The following TBCK variants were observed in gnomAD, a reference collection of about 807,000 sequenced individuals.
TBCK encodes TBC1 domain containing kinase.
Under a neutral mutation model 113.4 loss-of-function variants are expected in TBCK, and 99 were observed. The ratio of observed to expected loss-of-function variants is 0.87; its 90% confidence interval spans 0.74 to 1.03. The LOEUF (loss-of-function observed/expected upper bound fraction) is 1.03. TBCK is among the 50% of genes least tolerant of loss of function. TBCK has a pLI of 0.00. For missense variants in TBCK, 1,045 were observed against 1,061.3 expected (o/e 0.98, Z 0.21); for synonymous variants, 369 against 370.8 (o/e 1.00, Z 0.05).
At chr4:106,107,374 C>T (rs1418950495) in intron 24 of TBCK, among the ~76,000 whole-genome samples, 1 of 152,160 alleles carries the variant, frequency 6.6e-6, no homozygotes, top group East Asian at 1.9e-4. Flanking sequence ...TAAAATCGAC[C>T]ACATAACTGG....
intron 19 of TBCK, among the ~76,000 whole-genome samples, chr4:106,214,128 G>T (rs929041495): frequency 4.6e-5 from 7 of 151,954 alleles, no homozygotes; most frequent in African/African-American, 1.7e-4. Context: ...CACACGGCAG[G>T]GTACTCCAAC....
chr4:106,044,821 A>G lies in TBCK; in HGVS notation c.*1749T>C, dbSNP rs911043310. ...CAATTTAAAAAGTAGATGCAAAGAA[A>G]AAATAAAATAAAGTAAACAATAGCA... On this transcript the variant is annotated 3_prime_UTR_variant, in exon 26 of 26. Coordinates refer to ENST00000394708, the MANE Select transcript of TBCK (RefSeq NM_001163435.3). 2 of 152,242 alleles carry G rather than the reference A, an allele frequency of 1.3e-5. No individual in the cohort carries two copies. Among genetic ancestry groups the G allele is most frequent in the African/African-American group, 2.4e-5 (1 of 41,466 alleles). The allele number at this position is 152,242 out of a possible 1,614,324, so 9.4% of individuals were successfully genotyped here.
chr4:106,226,325 C>CTAGAAA (rs1490139637), intron 19 of TBCK, among the ~76,000 whole-genome samples: 6 of 152,202 alleles, frequency 3.9e-5, no homozygotes, highest in African/African-American at 1.4e-4. Context: ...TAACAGGCAT[C>CTAGAAA]TAGAAATAGA....
chr4:106,067,127 A>T (rs999787554), intron 25 of TBCK, among the ~76,000 whole-genome samples: 1 of 152,120 alleles, frequency 6.6e-6, no homozygotes, highest in Non-Finnish European at 1.5e-5. Flanking sequence ...TTACAATCCC[A>T]CTATTAATGC....
intron 25 of TBCK, among the ~76,000 whole-genome samples, chr4:106,082,498 T>A (rs1349949445): frequency 1.3e-5 from 2 of 151,894 alleles, no homozygotes; most frequent in African/African-American, 4.8e-5. Context: ...CTATGCTCAC[T>A]ACACAGGATG....
intron 23 of TBCK, among the ~76,000 whole-genome samples, chr4:106,163,847 C>T (rs1396038351): frequency 6.6e-6 from 1 of 152,008 alleles, no homozygotes; most frequent in Admixed American, 6.6e-5. Context: ...CAATCTCTGT[C>T]TGGGAATTTG....
intron 23 of TBCK, among the ~76,000 whole-genome samples, chr4:106,131,269 T>C (rs1745885932): frequency 6.6e-6 from 1 of 152,206 alleles, no homozygotes; most frequent in African/African-American, 2.4e-5. Context: ...CATGTTTCCT[T>C]TATAAATTAC....
At chr4:106,209,636 T>A (rs528510317) in intron 20 of TBCK, among the ~76,000 whole-genome samples, 1 of 152,272 alleles carries the variant, frequency 6.6e-6, no homozygotes, top group South Asian at 2.1e-4. Flanking sequence ...CCATCAACAA[T>A]GCTTTCTTTT....
At chr4:106,303,831 G>A (rs947398430) in intron 2 of TBCK, among the ~76,000 whole-genome samples, 24 of 152,124 alleles carry the variant, frequency 1.6e-4, no homozygotes, top group African/African-American at 4.3e-4. Context: ...AAGTGGTTCT[G>A]GCCAGTCTAC....
chr4:106,124,297 T>A (rs925612644), intron 23 of TBCK, among the ~76,000 whole-genome samples: 2 of 152,044 alleles, frequency 1.3e-5, no homozygotes, highest in Non-Finnish European at 2.9e-5. Context: ...AAAACCACAA[T>A]GAGATACCAT....
chr4:106,234,485 C>G (rs1186279280), intron 15 of TBCK, among the ~76,000 whole-genome samples: 1 of 151,956 alleles, frequency 6.6e-6, no homozygotes, highest in South Asian at 2.1e-4. Flanking sequence ...GTTCTATCAC[C>G]CAGGCTAGAG....
chr4:106,260,310 T>G (rs1027679668), intron 5 of TBCK, 127 bp downstream of exon 5: 1 of 397,562 alleles, frequency 2.5e-6, no homozygotes. Context: ...AAAATTGAGA[T>G]GCATTAATTT....
chr4:106,107,280 A>G (rs1742281424), intron 24 of TBCK, among the ~76,000 whole-genome samples: 1 of 152,160 alleles, frequency 6.6e-6, no homozygotes, highest in South Asian at 2.1e-4. Context: ...CATTGGACCA[A>G]ATGAATCTGA....
chr4:106,064,892 C>G (rs1736450846), intron 25 of TBCK, among the ~76,000 whole-genome samples: 1 of 151,836 alleles, frequency 6.6e-6, no homozygotes, highest in Non-Finnish European at 1.5e-5. Flanking sequence ...GAAAACAGCA[C>G]AATAACACAT....
At chr4:106,061,316 A>T (rs1231761478) in intron 25 of TBCK, among the ~76,000 whole-genome samples, 1 of 151,754 alleles carries the variant, frequency 6.6e-6, no homozygotes, top group Non-Finnish European at 1.5e-5. Context: ...TTCAATCTTT[A>T]GCCACCATTG....
intron 22 of TBCK, 42 bp downstream of exon 22, chr4:106,193,567 A>G: frequency 6.2e-7 from 1 of 1,603,430 alleles, no homozygotes; most frequent in Non-Finnish European, 8.5e-7. Context: ...ATTATTTCAT[A>G]GTCAAATTTC....
At chr4:106,149,090 C>T (rs1373886208) in intron 23 of TBCK, among the ~76,000 whole-genome samples, 2 of 152,168 alleles carry the variant, frequency 1.3e-5, no homozygotes, top group Non-Finnish European at 2.9e-5. Flanking sequence ...TTCTTCTGTA[C>T]CTTCCTGATC....
At chr4:106,076,102 C>T (rs181751931) in intron 25 of TBCK, among the ~76,000 whole-genome samples, 1 of 152,268 alleles carries the variant, frequency 6.6e-6, no homozygotes, top group East Asian at 1.9e-4. Context: ...AAAACAATAG[C>T]TCTGTAGAGG....
At chr4:106,224,587 A>G (rs1014739269) in intron 19 of TBCK, among the ~76,000 whole-genome samples, 3 of 152,174 alleles carry the variant, frequency 2.0e-5, no homozygotes, top group Non-Finnish European at 4.4e-5. Context: ...GTAAACTAAT[A>G]AGAGCTATTT....
Sources: allele counts gnomAD v4.1 joint callset (sites outside exome capture counted in the v4.1 genomes callset), GRCh38; gene constraint gnomAD v4.1.1; transcripts MANE v1.5; gene names NCBI Gene and HGNC (gene_info 2026-07-23, HGNC 2026-07-21).